The following ARHGEF18 variants were observed in gnomAD, a reference collection of about 807,000 sequenced individuals.
ARHGEF18 encodes Rho/Rac guanine nucleotide exchange factor 18.
Under a neutral mutation model 155.7 loss-of-function variants are expected in ARHGEF18, and 93 were observed. The observed-to-expected ratio is 0.60, with a 90% CI of 0.50 to 0.71. ARHGEF18 has a LOEUF of 0.71. ARHGEF18 is among the 30% of genes least tolerant of loss of function. The probability of loss-of-function intolerance (pLI) is 0.00; values close to 1 mark genes in which losing one functional copy is unlikely to be tolerated. For synonymous variants in ARHGEF18, 742 were observed against 753.1 expected, an observed-to-expected ratio of 0.99 and a Z score of 0.24; for missense variants, 1,593 against 1,816.1, an observed-to-expected ratio of 0.88 and a Z score of 2.23.
intron 8 of ARHGEF18, 95 bp from the exon 9 acceptor site, chr19:7,382,697 G>A (rs1360119444): frequency 2.4e-6 from 2 of 833,376 alleles, no homozygotes; most frequent in Non-Finnish European, 3.2e-6. Context: ...AGGCCACAGG[G>A]AGACAGGTTG....
intron 10 of ARHGEF18, among the ~76,000 whole-genome samples, chr19:7,409,951 ATTTTTT>A (rs5826969): frequency 2.4e-5 from 3 of 123,834 alleles, no homozygotes; most frequent in African/African-American, 9.2e-5. Flanking sequence ...TTTTTTTTGT[ATTTTTT>A]TTTTTTTTTT....
At chr19:7,385,973 CCTCTCTCCCTCT>C (rs1568286172) in intron 10 of ARHGEF18, among the ~76,000 whole-genome samples, 1 of 72,044 alleles carries the variant, frequency 1.4e-5, no homozygotes, top group African/African-American at 5.8e-5. Context: ...CCCCTCTCTC[CCTCTCTCCCTCT>C]CTCTCTCTCT....
chr19:7,362,487 G>A (rs1969672706), intron 1 of ARHGEF18, among the ~76,000 whole-genome samples: 1 of 152,182 alleles, frequency 6.6e-6, no homozygotes, highest in Non-Finnish European at 1.5e-5. Context: ...GGATCACCTG[G>A]TGATGGCTGT....
At chr19:7,427,943 CAAAAAAGAAAAAA>C (rs1973752938) in intron 10 of ARHGEF18, among the ~76,000 whole-genome samples, 1 of 148,648 alleles carries the variant, frequency 6.7e-6, no homozygotes, top group African/African-American at 2.5e-5. Context: ...GACTCTGTCT[CAAAAAAGAAAAAA>C]GAAAAAGAGG....
At chr19:7,390,323 A>G (rs770897776) in intron 10 of ARHGEF18, among the ~76,000 whole-genome samples, 2 of 152,144 alleles carry the variant, frequency 1.3e-5, no homozygotes, top group Non-Finnish European at 2.9e-5. Context: ...CCTGGCCAAC[A>G]TGGTAAGACC....
At chr19:7,413,606 A>G (rs112129147) in intron 10 of ARHGEF18, among the ~76,000 whole-genome samples, 3 of 151,586 alleles carry the variant, frequency 2.0e-5, no homozygotes, top group Admixed American at 6.6e-5. Flanking sequence ...CGGCAAAAAA[A>G]TCTTTTTTAA....
At chr19:7,419,822 A>T (rs540653336) in intron 10 of ARHGEF18, among the ~76,000 whole-genome samples, 1 of 151,684 alleles carries the variant, frequency 6.6e-6, no homozygotes. Flanking sequence ...CCTCTTCTTC[A>T]TCTGTGTTTT....
chr19:7,448,815 G>A (rs1380838586), intron 15 of ARHGEF18, among the ~76,000 whole-genome samples: 1 of 152,092 alleles, frequency 6.6e-6, no homozygotes, highest in Non-Finnish European at 1.5e-5. Flanking sequence ...GCCAAGTCAA[G>A]GGAGACCCCA....
chr19:7,356,127 CAT>C (rs1000144401), intron 1 of ARHGEF18, among the ~76,000 whole-genome samples: 3 of 152,000 alleles, frequency 2.0e-5, no homozygotes, highest in Non-Finnish European at 2.9e-5. Context: ...CTCCAACACA[CAT>C]ACACACACAC....
chr19:7,458,975 G>C (rs1462606333), intron 19 of ARHGEF18, among the ~76,000 whole-genome samples: 3 of 152,190 alleles, frequency 2.0e-5, no homozygotes, highest in African/African-American at 7.2e-5. Context: ...GCAGGGCATG[G>C]CATCTTGTCC....
At chr19:7,407,843 T>TC (rs1310941928) in intron 10 of ARHGEF18, among the ~76,000 whole-genome samples, 1 of 149,928 alleles carries the variant, frequency 6.7e-6, no homozygotes, top group Non-Finnish European at 1.5e-5. Flanking sequence ...GCGCCTGGAG[T>TC]CCCAGCTACT....
At chr19:7,474,794 C>T (rs1977183932), downstream of ARHGEF18, among the ~76,000 whole-genome samples, 1 of 102,004 alleles carries the variant, frequency 9.8e-6, no homozygotes, top group South Asian at 3.1e-4. Context: ...TCTCCCCCCA[C>T]CCTCTGATTT....
chr19:7,457,552 G>A (rs1377215869), intron 18 of ARHGEF18, among the ~76,000 whole-genome samples: 2 of 151,504 alleles, frequency 1.3e-5, no homozygotes, highest in Non-Finnish European at 2.9e-5. Context: ...TAGTAGAGAT[G>A]GGGTTTCACC....
In ARHGEF18 at chr19:7,369,806, A is replaced by AAAAG. The variant is rs550272329; in HGVS notation, c.16-2989_16-2986dup. Among the ~76,000 whole-genome samples, 1,131 of 152,028 alleles carry AAAAG rather than the reference A, an allele frequency of 7.4e-3. 9 individuals carry two copies. Among genetic ancestry groups the AAAAG allele is most frequent in the Non-Finnish European group, 0.011 (727 of 67,964 alleles). ...AGTGAGACTCCATCTCAAAAAAATT[A>AAAAG]AAAGAAAGAAAGAAAGAAAGTTAAA... On this transcript the variant is annotated intron_variant, in intron 2 of 28. Transcript: ENST00000668164.
rs867784237 is a variant in ARHGEF18 at position 7,380,905 on chromosome 19, C to T, written c.645-12C>T. On this transcript the variant is annotated splice_polypyrimidine_tract_variant and intron_variant, in intron 7 of 28. Transcript: ENST00000668164. Reference sequence around the variant, plus strand: ...CTGCCGACCCAGGTATCTGTCCCCTCTGATCCTGCAGGGCCCGGCAGAGGG... The same window carrying T: ...CTGCCGACCCAGGTATCTGTCCCCTTTGATCCTGCAGGGCCCGGCAGAGGG... 1 of 1,232,034 alleles carries T rather than the reference C, an allele frequency of 8.1e-7. No homozygotes were observed. Among genetic ancestry groups the T allele is most frequent in the East Asian group, 3.2e-5 (1 of 31,688 alleles). 76.3% of individuals were successfully genotyped at this position (1,232,034 alleles called of 1,614,324 possible).
Position 7,451,186 on chromosome 19 carries a change from T to C in ARHGEF18, c.1775T>C (p.Val592Ala), listed in dbSNP as rs1260802856. The C allele has an allele frequency of 6.2e-7, 1 of 1,612,972 alleles. No individual in the cohort carries two copies. Among genetic ancestry groups the C allele is most frequent in the East Asian group, 2.2e-5 (1 of 44,850 alleles). ...TTCTCCATCGTGCGGCGGCTTGGCG[T>C]GCAGGAGTGCATTCTCCTGGTTACA... ...GNFSIVRRLGVQECILLVTQR... is the reference protein window; with the variant it reads ...GNFSIVRRLGAQECILLVTQR... The change falls in exon 16 of 29, where the codon GTG (valine) becomes GCG (alanine). Residue 592 changes from valine to alanine, a missense_variant. Transcript: ENST00000668164.
In ARHGEF18 at chr19:7,351,694, C is replaced by T. The variant is rs542503911; in HGVS notation, c.-111+2453C>T. ...GCTACTGTATTTTCTCTCTGCCTCT[C>T]TCTCTCTCTCTTTTTTTTTTTTTTT... On this transcript the variant is annotated intron_variant, in intron 1 of 28. Coordinates refer to ENST00000668164, the MANE Select transcript of ARHGEF18 (RefSeq NM_001367823.1). Among the ~76,000 whole-genome samples, 187 of 20,856 alleles carry T rather than the reference C, an allele frequency of 9.0e-3. 1 individual carries two copies. Among genetic ancestry groups the T allele is most frequent in the Admixed American group, 0.031 (37 of 1,186 alleles). 13.7% of individuals were successfully genotyped at this position (20,856 alleles called of 152,430 possible).
intron 8 of ARHGEF18, among the ~76,000 whole-genome samples, chr19:7,381,882 T>A (rs1003113858): frequency 7.9e-5 from 12 of 151,976 alleles, no homozygotes; most frequent in African/African-American, 2.9e-4. Flanking sequence ...AAGAAACATT[T>A]ATGGATATTT....
rs1969581773 is a variant in ARHGEF18, at chr19:7,362,012, AG to A, written c.-110-768del. ...CTGTGGAAGAAGAAGAAGAAGAAGA[AG>A]AAGGAGAAGGAGAAGGAGAAGGAGA... is the stretch of plus-strand genomic sequence containing the variant. On this transcript the variant is annotated intron_variant, in intron 1 of 28. Coordinates refer to ENST00000668164, the MANE Select transcript of ARHGEF18 (RefSeq NM_001367823.1). Among the ~76,000 whole-genome samples, 2 of 52,432 alleles carry A rather than the reference AG, an allele frequency of 3.8e-5. 1 individual carries two copies. The highest frequency in any genetic ancestry group is 2.4e-4 in the African/African-American group (2 of 8,462). 34.4% of individuals were successfully genotyped at this position (52,432 alleles called of 152,430 possible). A position where few individuals can be genotyped will look rare whatever the true frequency, so the allele number is the denominator to read the frequency against.
Sources: gnomAD v4.1 joint callset for allele counts (sites outside exome capture counted in the v4.1 genomes callset) on GRCh38, gnomAD v4.1.1 for gene constraint, MANE v1.5 for transcripts, NCBI Gene and HGNC (gene_info 2026-07-23, HGNC 2026-07-21) for gene names.